CLIP1: variants seen among roughly 807,000 people sequenced by gnomAD.
CLIP1 encodes CAP-Gly domain containing linker protein 1, also known as CAP-Gly domain-containing linker protein 1.
CLIP1 carries 66 observed loss-of-function variants against 161.6 expected under a neutral mutation model. The observed-to-expected ratio is 0.41, with a 90% confidence interval of 0.33 to 0.50. The LOEUF is 0.50. CLIP1 is among the 20% of genes least tolerant of loss of function. The pLI is 0.27. For synonymous variants in CLIP1, 598 were observed against 626.2 expected (o/e 0.96, Z 0.67); for missense variants, 1,376 against 1,702.0 (o/e 0.81, Z 3.37).
At chr12:122,321,298 T>C (rs1252770977) in intron 17 of CLIP1, among the ~76,000 whole-genome samples, 1 of 151,164 alleles carries the variant, frequency 6.6e-6, no homozygotes, top group Non-Finnish European at 1.5e-5. Flanking sequence ...CAGGCTGGAG[T>C]GCAATGGCGC....
intron 20 of CLIP1, among the ~76,000 whole-genome samples, chr12:122,291,643 C>T (rs1950255561): frequency 6.6e-6 from 1 of 152,146 alleles, no homozygotes; most frequent in Non-Finnish European, 1.5e-5. Context: ...CAGAAGTAAT[C>T]CTGTGTCCTT....
rs1414016321 is a variant in CLIP1 at position 122,311,326 on chromosome 12, C to A, written c.3474-1444G>T. Among the ~76,000 whole-genome samples the A allele has an allele frequency of 1.3e-5, 2 of 151,980 alleles. No individual in the cohort carries two copies. The highest frequency in any genetic ancestry group is 2.9e-5 in the Non-Finnish European group (2 of 68,006). On this transcript the variant is annotated intron_variant, in intron 19 of 25. Transcript: ENST00000620786. The surrounding 1 kb of genome is among the most constrained non-coding windows in gnomAD (Gnocchi z 4.3). The stretch of plus-strand genomic sequence containing the variant: ...ATACTCCTGTTCCTTCTCTCTCAAG[C>A]CCACAGGAAGGAAAATAAAAACGAC...
chr12:122,277,653 C>T (rs1162876493), intron 24 of CLIP1: 1 of 152,342 alleles, frequency 6.6e-6, no homozygotes, highest in Admixed American at 6.6e-5. Context: ...AAAATGATAG[C>T]TGCCCAAGAT....
chr12:122,357,736 G>A (rs1370751002), intron 5 of CLIP1, among the ~76,000 whole-genome samples: 1 of 145,140 alleles, frequency 6.9e-6, no homozygotes, highest in East Asian at 2.1e-4. Flanking sequence ...GGAGGTGAGG[G>A]GCGCCTCTGC....
intron 5 of CLIP1, among the ~76,000 whole-genome samples, chr12:122,357,372 G>C (rs1425596581): frequency 2.7e-5 from 4 of 149,592 alleles, no homozygotes; most frequent in Non-Finnish European, 4.4e-5. Context: ...CAACCGCCCC[G>C]TCTGAGAAGT....
chr12:122,316,076 G>C (rs1446119369), intron 19 of CLIP1, among the ~76,000 whole-genome samples: 1 of 152,008 alleles, frequency 6.6e-6, no homozygotes, highest in East Asian at 1.9e-4. Flanking sequence ...TGGCTGGCCA[G>C]GCGCAGTGGT....
chr12:122,344,000 T>C (rs1446887849), intron 10 of CLIP1: 1 of 152,358 alleles, frequency 6.6e-6, no homozygotes, highest in Non-Finnish European at 1.5e-5. Flanking sequence ...AGAGGATCAC[T>C]TGTGGCCAGG....
chr12:122,283,746 G>A lies in CLIP1; in HGVS notation c.3648-4601C>T, dbSNP rs752316194. Reference sequence around the variant, plus strand: ...CAGGCGTGACCCACCGCACCCAGCCGGATTCTAATTTCTTCATGATAACCA... The same window carrying A: ...CAGGCGTGACCCACCGCACCCAGCCAGATTCTAATTTCTTCATGATAACCA... On this transcript the variant is annotated intron_variant, in intron 21 of 25. Transcript: ENST00000620786. Among the ~76,000 whole-genome samples, 14 of 152,092 alleles carry A rather than the reference G, an allele frequency of 9.2e-5. No homozygotes were observed. The South Asian group carries it at 1.5e-3, about 16-fold the overall frequency.
Position 122,394,488 on chromosome 12 carries a change from CAAAAAAAAA to C in CLIP1, c.-106-13939_-106-13931del, listed in dbSNP as rs66683857. 6.9e-5 allele frequency among the ~76,000 whole-genome samples: 4 copies of C among 57,998 alleles called. No homozygotes were observed. The Admixed American group carries it at 8.2e-4, about 12-fold the overall frequency. The allele number at this position is 57,998 out of a possible 152,430, so 38.0% of individuals were successfully genotyped here. A position where few individuals can be genotyped will look rare whatever the true frequency, so the allele number is the denominator to read the frequency against. On this transcript the variant is annotated intron_variant, in intron 1 of 25. Transcript: ENST00000620786. ...TGGGCAACACAGTGAGACGCTGTCT[CAAAAAAAAA>C]AAAAAAAAAAAAAAAGATGGAAAGG... is the stretch of plus-strand genomic sequence containing the variant.
intron 12 of CLIP1, 66 bp from the exon 13 acceptor site, chr12:122,334,771 T>C (rs56276573): frequency 0.021 from 21,064 of 1,024,796 alleles, 926 homozygotes; most frequent in African/African-American, 0.16. Flanking sequence ...GAAGTTTCTA[T>C]CAATTATAAC....
intron 9 of CLIP1, among the ~76,000 whole-genome samples, chr12:122,350,522 C>T (rs1305264360): frequency 6.6e-6 from 1 of 152,096 alleles, no homozygotes. Context: ...ACGCTTGCCT[C>T]TAGTTTTGCA....
chr12:122,377,165 T>C (rs528691101), intron 3 of CLIP1, among the ~76,000 whole-genome samples: 85 of 151,882 alleles, frequency 5.6e-4, no homozygotes, highest in Non-Finnish European at 2.5e-4. Context: ...CCCCCACCAA[T>C]CCCAGCTAAT....
At chr12:122,360,074 GAAGAAGAGGA>G (rs1953699642) in intron 5 of CLIP1, among the ~76,000 whole-genome samples, 1 of 152,126 alleles carries the variant, frequency 6.6e-6, no homozygotes, top group South Asian at 2.1e-4. Flanking sequence ...GGGACCAGGA[GAAGAAGAGGA>G]AAGAAGAGAG....
At chr12:122,344,910 A>G (rs1952673015) in intron 10 of CLIP1, among the ~76,000 whole-genome samples, 1 of 152,234 alleles carries the variant, frequency 6.6e-6, no homozygotes, top group Non-Finnish European at 1.5e-5. Context: ...AACAGAAGAC[A>G]TACTTCGTTA....
chr12:122,419,995 T>C (rs1388231540), intron 1 of CLIP1, among the ~76,000 whole-genome samples: 2 of 146,256 alleles, frequency 1.4e-5, no homozygotes, highest in Non-Finnish European at 3.0e-5. Flanking sequence ...ATGAGTCACA[T>C]GGGATGTGAC....
intron 15 of CLIP1, 26 bp from the exon 16 acceptor site, chr12:122,328,452 T>C: frequency 7.2e-7 from 1 of 1,393,204 alleles, no homozygotes; most frequent in Non-Finnish European, 9.6e-7. Context: ...ATATAAGGTG[T>C]CAGATTTTTC....
intron 21 of CLIP1, among the ~76,000 whole-genome samples, chr12:122,287,967 C>T (rs34383196): frequency 0.22 from 34,101 of 151,986 alleles, 4,937 homozygotes; most frequent in East Asian, 0.62. Flanking sequence ...TGAGTGAAAG[C>T]AACTGAACAT....
intron 4 of CLIP1, among the ~76,000 whole-genome samples, 184 bp downstream of exon 4, chr12:122,363,799 G>A (rs1008254387): frequency 1.3e-5 from 2 of 152,074 alleles, no homozygotes; most frequent in African/African-American, 2.4e-5. Context: ...TTACTAAGGA[G>A]ACAGTCAAAA....
At chr12:122,407,466 T>C (rs1331452650) in intron 1 of CLIP1, among the ~76,000 whole-genome samples, 1 of 152,024 alleles carries the variant, frequency 6.6e-6, no homozygotes, top group East Asian at 1.9e-4. Context: ...CTCAGCACTT[T>C]GGGAGGCTGA....
Sources: gnomAD v4.1 joint callset for allele counts (sites outside exome capture counted in the v4.1 genomes callset) on GRCh38, gnomAD v4.1.1 for gene constraint, Gnocchi (gnomAD v3.1) non-coding constraint, MANE v1.5 for transcripts, NCBI Gene and HGNC (gene_info 2026-07-23, HGNC 2026-07-21) for gene names.